PLXNA4: variants seen among roughly 807,000 people sequenced by gnomAD.
PLXNA4 encodes plexin-A4.
A neutral mutation model predicts 191.8 loss-of-function variants in PLXNA4; 44 were observed. The observed-to-expected ratio is 0.23, with a 90% CI of 0.18 to 0.29. The LOEUF (loss-of-function observed/expected upper bound fraction) is 0.29. PLXNA4 is among the 10% of genes least tolerant of loss of function. PLXNA4 has a pLI of 1.00. For missense variants in PLXNA4, 1,800 were observed against 2,488.8 expected (o/e 0.72, Z 5.89); for synonymous variants, 1,082 against 1,009.5 (o/e 1.07, Z -1.36).
At chr7:132,302,978 G>A (rs1801364811) in intron 3 of PLXNA4, among the ~76,000 whole-genome samples, 1 of 152,062 alleles carries the variant, frequency 6.6e-6, no homozygotes, top group African/African-American at 2.4e-5. Context: ...CTGGGTTCAA[G>A]CGATTCTCCT....
intron 3 of PLXNA4, among the ~76,000 whole-genome samples, chr7:132,374,522 G>A (rs1804578203): frequency 1.3e-5 from 2 of 152,158 alleles, no homozygotes. Flanking sequence ...AGAAGCTACT[G>A]GTGGGTATCA....
At chr7:132,152,325 G>T (rs987950890) in intron 25 of PLXNA4, among the ~76,000 whole-genome samples, 1 of 152,156 alleles carries the variant, frequency 6.6e-6, no homozygotes, top group Non-Finnish European at 1.5e-5. Context: ...AGCTGAGGAT[G>T]AGACAGCCCT....
intron 1 of PLXNA4, among the ~76,000 whole-genome samples, chr7:132,529,619 T>G (rs924273628): frequency 6.6e-6 from 1 of 151,338 alleles, no homozygotes; most frequent in Non-Finnish European, 1.5e-5. Context: ...TTTTTTTTTT[T>G]TTTTGAGACG....
At chr7:132,479,034 G>A (rs1797235852) in intron 3 of PLXNA4, among the ~76,000 whole-genome samples, 1 of 152,094 alleles carries the variant, frequency 6.6e-6, no homozygotes, top group Non-Finnish European at 1.5e-5. Context: ...TTGGGAGGCC[G>A]AGGTGGGAGG....
intron 9 of PLXNA4, among the ~76,000 whole-genome samples, chr7:132,213,248 A>T (rs1797860596): frequency 6.6e-6 from 1 of 152,190 alleles, no homozygotes; most frequent in African/African-American, 2.4e-5. Flanking sequence ...GGGAGGCAGG[A>T]TGGGTAGTTG....
intron 3 of PLXNA4, among the ~76,000 whole-genome samples, chr7:132,429,780 C>T (rs1263835172): frequency 6.6e-6 from 1 of 152,140 alleles, no homozygotes; most frequent in African/African-American, 2.4e-5. Flanking sequence ...CTCCATAAAC[C>T]CAGCATGGTA....
At chr7:132,276,914 A>G (rs888141039) in intron 4 of PLXNA4, among the ~76,000 whole-genome samples, 1 of 152,042 alleles carries the variant, frequency 6.6e-6, no homozygotes, top group Admixed American at 6.6e-5. Context: ...TGATTTATGA[A>G]TTGGCATCTG....
At chr7:132,246,235 A>G (rs570071939) in intron 4 of PLXNA4, among the ~76,000 whole-genome samples, 2 of 152,328 alleles carry the variant, frequency 1.3e-5, no homozygotes, top group South Asian at 4.1e-4. Context: ...TTGCTGGTAG[A>G]CTAATACAAT....
At chr7:132,307,020 G>A (rs1045561754) in intron 3 of PLXNA4, among the ~76,000 whole-genome samples, 1 of 152,054 alleles carries the variant, frequency 6.6e-6, no homozygotes, top group African/African-American at 2.4e-5. Flanking sequence ...CCTTCCTTGT[G>A]GAAGAGCTGC....
At chr7:132,362,891 T>C (rs1175648927) in intron 3 of PLXNA4, among the ~76,000 whole-genome samples, 1 of 152,230 alleles carries the variant, frequency 6.6e-6, no homozygotes, top group Non-Finnish European at 1.5e-5. Context: ...AGCATAAAAC[T>C]TGCCATTTTA....
In PLXNA4 at chr7:132,377,628, G is replaced by T. The variant is rs538941224; in HGVS notation, c.1372-79406C>A. 5.9e-5 allele frequency among the ~76,000 whole-genome samples: 9 copies of T among 152,084 alleles called. No individual in the cohort carries two copies. In the East Asian group the frequency reaches 1.4e-3, roughly 23 times the overall value. On this transcript the variant is annotated intron_variant, in intron 3 of 31. Coordinates refer to ENST00000321063, the MANE Select transcript of PLXNA4 (RefSeq NM_020911.2). ...TACAACATCCCTCATGGGTCCACAGGAGCCCCTCTCCCCACCTTGCTGCTT... is the reference window on the plus strand; with the variant it reads ...TACAACATCCCTCATGGGTCCACAGTAGCCCCTCTCCCCACCTTGCTGCTT...
intron 3 of PLXNA4, among the ~76,000 whole-genome samples, chr7:132,423,979 A>G (rs943990735): frequency 2.0e-5 from 3 of 152,094 alleles, no homozygotes; most frequent in Admixed American, 1.3e-4. Flanking sequence ...AATGCCTCTC[A>G]GGGCTGCCCT....
At chr7:132,167,288 A>G (rs1425818709) in intron 22 of PLXNA4, among the ~76,000 whole-genome samples, 2 of 152,162 alleles carry the variant, frequency 1.3e-5, no homozygotes, top group African/African-American at 4.8e-5. Flanking sequence ...CAGGACCTTT[A>G]AGGTTTCAAC....
At chr7:132,525,674 C>G (rs1490858137) in intron 1 of PLXNA4, among the ~76,000 whole-genome samples, 1 of 152,176 alleles carries the variant, frequency 6.6e-6, no homozygotes, top group Non-Finnish European at 1.5e-5. Flanking sequence ...AAATGCCTGT[C>G]AAGCCTTTTT....
intron 3 of PLXNA4, among the ~76,000 whole-genome samples, chr7:132,437,858 C>T (rs1485552802): frequency 6.6e-6 from 1 of 152,182 alleles, no homozygotes; most frequent in Non-Finnish European, 1.5e-5. Flanking sequence ...CATGTGATTC[C>T]CTCCACATTA....
intron 16 of PLXNA4, among the ~76,000 whole-genome samples, chr7:132,184,416 C>T (rs1796809824): frequency 1.3e-5 from 2 of 152,330 alleles, no homozygotes; most frequent in Admixed American, 6.5e-5. Context: ...TTCCCAGTGA[C>T]CTCTGTGAGC....
chr7:132,552,101 T>C (rs756675173), intron 1 of PLXNA4, among the ~76,000 whole-genome samples: 1 of 152,106 alleles, frequency 6.6e-6, no homozygotes, highest in Non-Finnish European at 1.5e-5. Context: ...TGACAGTAGA[T>C]GGAAAGCTAA....
Position 132,365,360 on chromosome 7 carries a change from T to TGTGTGCGC in PLXNA4, c.1372-67139_1372-67138insGCGCACAC. 7.6e-4 allele frequency among the ~76,000 whole-genome samples: 98 copies of TGTGTGCGC among 128,818 alleles called. 1 individual carries two copies. Among genetic ancestry groups the TGTGTGCGC allele is most frequent in the African/African-American group, 2.3e-3 (77 of 33,824 alleles). The allele number at this position is 128,818 out of a possible 152,430, so 84.5% of individuals were successfully genotyped here. On this transcript the variant is annotated intron_variant, in intron 3 of 31. Coordinates refer to ENST00000321063, the MANE Select transcript of PLXNA4 (RefSeq NM_020911.2). Reference sequence around the variant, plus strand: ...GTGTGTGTGTGTGTGTGTGTGTGTGTGCGTGCGCGCGCATGCATGGGGCAA... The same window carrying TGTGTGCGC: ...GTGTGTGTGTGTGTGTGTGTGTGTGTGTGTGCGCGCGTGCGCGCGCATGCATGGGGCAA...
At chr7:132,354,108 G>A (rs375297700) in intron 3 of PLXNA4, among the ~76,000 whole-genome samples, 4 of 152,136 alleles carry the variant, frequency 2.6e-5, no homozygotes, top group African/African-American at 4.8e-5. Context: ...CTGTCCTGGC[G>A]GGTTTGGATT....
Sources: gnomAD v4.1 joint callset for allele counts (sites outside exome capture counted in the v4.1 genomes callset) on GRCh38, gnomAD v4.1.1 for gene constraint, MANE v1.5 for transcripts, NCBI Gene and HGNC (gene_info 2026-07-23, HGNC 2026-07-21) for gene names.